The following TENM2 variants were observed in gnomAD, a reference collection of about 807,000 sequenced individuals.
The protein encoded by TENM2 is teneurin transmembrane protein 2, also known as teneurin-2.
In TENM2, 52 loss-of-function variants were observed where a neutral mutation model predicts 245.2. That is an observed-to-expected ratio of 0.21 (90% CI 0.17 to 0.27). The LOEUF (loss-of-function observed/expected upper bound fraction) is 0.27. Ranked by LOEUF, TENM2 falls within the 10% of genes least tolerant of loss-of-function variation. The pLI, the probability that TENM2 is intolerant of heterozygous loss-of-function variation, is 1.00. For synonymous variants in TENM2, 1,363 were observed against 1,438.9 expected (o/e 0.95, Z 1.19); for missense variants, 3,046 against 3,666.8 (o/e 0.83, Z 4.37).
chr5:168,133,367 A>G (rs1353407899), intron 12 of TENM2, among the ~76,000 whole-genome samples: 1 of 152,246 alleles, frequency 6.6e-6, no homozygotes, highest in Non-Finnish European at 1.5e-5. Flanking sequence ...AATGTCATAA[A>G]TGCAGCGTGT....
chr5:167,680,826 T>C (rs919523525), intron 2 of TENM2, among the ~76,000 whole-genome samples: 17 of 152,212 alleles, frequency 1.1e-4, no homozygotes, highest in Non-Finnish European at 7.3e-5. Flanking sequence ...GAGTTTTTTA[T>C]AGGCATTTTT....
At chr5:168,110,005 C>A (rs143423447) in intron 9 of TENM2, among the ~76,000 whole-genome samples, 6 of 152,040 alleles carry the variant, frequency 3.9e-5, no homozygotes, top group African/African-American at 1.4e-4. Context: ...CAGCCCTCCC[C>A]CAAGTTAAAT....
At chr5:167,504,111 A>G (rs1008319532) in intron 2 of TENM2, among the ~76,000 whole-genome samples, 73 of 152,138 alleles carry the variant, frequency 4.8e-4, no homozygotes, top group African/African-American at 1.7e-3. Context: ...CTAATATGGA[A>G]CAGATGCAGT....
intron 2 of TENM2, among the ~76,000 whole-genome samples, chr5:167,383,837 A>G (rs1219546264): frequency 6.6e-6 from 1 of 151,930 alleles, no homozygotes; most frequent in Non-Finnish European, 1.5e-5. Context: ...ATTTATTGGT[A>G]TATGTATATA....
In TENM2 at chr5:168,055,321, C is replaced by T. The variant is rs182308395; in HGVS notation, c.1310-6739C>T. Among the ~76,000 whole-genome samples, 15 of 152,336 alleles carry T rather than the reference C, an allele frequency of 9.8e-5. No individual in the cohort carries two copies. In the East Asian group the frequency reaches 2.7e-3, roughly 27 times the overall value. ...AAGTATGAATGAATGGCCCACCCAACATTGCTTAGGACATTTCTTAATCAT... is the reference window on the plus strand; with the variant it reads ...AAGTATGAATGAATGGCCCACCCAATATTGCTTAGGACATTTCTTAATCAT... On this transcript the variant is annotated intron_variant, in intron 6 of 28. Transcript: ENST00000518659.
intron 1 of TENM2, among the ~76,000 whole-genome samples, chr5:167,373,331 G>T (rs1760553118): frequency 6.6e-6 from 1 of 152,218 alleles, no homozygotes; most frequent in Non-Finnish European, 1.5e-5. Context: ...ATGATATCGA[G>T]TATGTAGGCT....
chr5:168,145,564 T>C (rs1466417287), intron 12 of TENM2, among the ~76,000 whole-genome samples: 2 of 149,812 alleles, frequency 1.3e-5, no homozygotes, highest in African/African-American at 4.9e-5. Context: ...ACCAGTACCA[T>C]GCTGTTTTGG....
intron 2 of TENM2, among the ~76,000 whole-genome samples, chr5:167,479,872 G>A (rs1767649254): frequency 1.3e-5 from 2 of 152,144 alleles, no homozygotes; most frequent in Admixed American, 6.6e-5. Context: ...GAACAGAATC[G>A]TGTCTAGGGA....
chr5:167,832,205 A>G (rs4869075), intron 2 of TENM2, among the ~76,000 whole-genome samples: 103,197 of 152,140 alleles, frequency 0.68, 37,005 homozygotes, highest in Non-Finnish European at 0.82. Flanking sequence ...AGAGGAAAGT[A>G]TTTAGAGGCA....
At chr5:167,965,464 C>G (rs1781320178) in intron 4 of TENM2, 1 of 152,068 alleles carries the variant, frequency 6.6e-6, no homozygotes, top group Non-Finnish European at 1.5e-5. Context: ...TACCTATAAT[C>G]CCAGTAATCT....
intron 12 of TENM2, among the ~76,000 whole-genome samples, chr5:168,152,605 C>T (rs1344926781): frequency 1.3e-5 from 2 of 152,272 alleles, no homozygotes; most frequent in Middle Eastern, 3.4e-3. Context: ...CTGGTAGGTA[C>T]CACATTCATT....
rs141716115 is a variant in TENM2, at chr5:167,507,243, C to T, written c.502+131770C>T. On this transcript the variant is annotated intron_variant, in intron 2 of 28. Coordinates refer to ENST00000518659, the Ensembl canonical transcript of TENM2. ...CAATCTTATTTTTAAACTGTATTACCCATAAGTAATTTTAGTTATTTAACT... is the reference window on the plus strand; with the variant it reads ...CAATCTTATTTTTAAACTGTATTACTCATAAGTAATTTTAGTTATTTAACT... 8.4e-3 allele frequency among the ~76,000 whole-genome samples: 1,273 copies of T among 152,078 alleles called. 20 individuals carry two copies. The highest frequency in any genetic ancestry group is 0.029 in the African/African-American group (1,194 of 41,470).
intron 7 of TENM2, among the ~76,000 whole-genome samples, chr5:168,077,039 G>A (rs1338331919): frequency 6.6e-6 from 1 of 152,196 alleles, no homozygotes; most frequent in Non-Finnish European, 1.5e-5. Context: ...TGTTGGGTGA[G>A]CTATGTAACC....
chr5:168,230,884 A>C (rs1237800536), intron 25 of TENM2: 2 of 152,376 alleles, frequency 1.3e-5, no homozygotes, highest in East Asian at 3.9e-4. Flanking sequence ...GGGATACTTA[A>C]CTGTATCTGC....
chr5:167,549,956 G>T (rs1234681526), intron 2 of TENM2, among the ~76,000 whole-genome samples: 1 of 152,178 alleles, frequency 6.6e-6, no homozygotes, highest in Non-Finnish European at 1.5e-5. Flanking sequence ...GGTTGTGAAA[G>T]GCATAACCAT....
intron 4 of TENM2, among the ~76,000 whole-genome samples, chr5:167,969,824 C>T (rs1025333841): frequency 6.6e-6 from 1 of 152,238 alleles, no homozygotes; most frequent in African/African-American, 2.4e-5. Context: ...ACTAGAGTCA[C>T]ATGCCCACAA....
At chr5:167,882,263 A>G (rs945122562) in intron 3 of TENM2, among the ~76,000 whole-genome samples, 3 of 152,172 alleles carry the variant, frequency 2.0e-5, no homozygotes, top group African/African-American at 4.8e-5. Flanking sequence ...ATATCCCCAG[A>G]CACTTCCCCT....
the TENM2 span, among the ~76,000 whole-genome samples, chr5:167,078,989 A>G: frequency 2.6e-5 from 4 of 152,134 alleles, no homozygotes; most frequent in African/African-American, 9.7e-5. Context: ...AGGGAAAAAG[A>G]CACTTGTTTG....
chr5:167,116,572 A>T, the TENM2 span: 4 of 152,182 alleles, frequency 2.6e-5, no homozygotes, highest in Non-Finnish European at 5.9e-5. Context: ...GGATTGAATC[A>T]TTAAAGTAGT....
Sources: allele counts gnomAD v4.1 joint callset (sites outside exome capture counted in the v4.1 genomes callset), GRCh38; gene constraint gnomAD v4.1.1; transcripts MANE v1.5; gene names NCBI Gene and HGNC (gene_info 2026-07-23, HGNC 2026-07-21).